PTPRM: variants seen among roughly 807,000 people sequenced by gnomAD.
The protein encoded by PTPRM is receptor-type tyrosine-protein phosphatase mu.
PTPRM carries 47 observed loss-of-function variants against 186.7 expected under a neutral mutation model. That is an observed-to-expected ratio of 0.25 (90% confidence interval 0.20 to 0.32). The LOEUF (loss-of-function observed/expected upper bound fraction) is 0.32, where lower values mean the gene tolerates loss of function less well. PTPRM is among the 10% of genes least tolerant of loss of function. The pLI is 1.00. For synonymous variants in PTPRM, 668 were observed against 674.9 expected (o/e 0.99, Z 0.16); for missense variants, 1,494 against 1,865.0 (o/e 0.80, Z 3.66).
intron 1 of PTPRM, among the ~76,000 whole-genome samples, chr18:7,636,044 C>A (rs191275426): frequency 6.6e-6 from 1 of 152,174 alleles, no homozygotes; most frequent in African/African-American, 2.4e-5. Flanking sequence ...GGCAGACAAA[C>A]GCTTCTGTTT....
intron 2 of PTPRM, among the ~76,000 whole-genome samples, chr18:7,798,419 C>T (rs1021960538): frequency 1.4e-4 from 21 of 151,882 alleles, no homozygotes; most frequent in Non-Finnish European, 5.9e-5. Flanking sequence ...ATTCCAGCTA[C>T]TCAGGAGGCT....
chr18:7,936,458 C>G (rs2051817102), intron 5 of PTPRM, among the ~76,000 whole-genome samples: 1 of 152,230 alleles, frequency 6.6e-6, no homozygotes, highest in Non-Finnish European at 1.5e-5. Flanking sequence ...GCAACCCAGC[C>G]AGGTGTGTGT....
chr18:7,725,540 C>A (rs538188997), intron 1 of PTPRM, among the ~76,000 whole-genome samples: 2 of 151,960 alleles, frequency 1.3e-5, no homozygotes, highest in South Asian at 4.2e-4. Context: ...CCACCCATGG[C>A]CCTGCCCCCA....
At chr18:7,624,596 C>T (rs574485625) in intron 1 of PTPRM, among the ~76,000 whole-genome samples, 2 of 152,110 alleles carry the variant, frequency 1.3e-5, no homozygotes, top group African/African-American at 4.8e-5. Context: ...AGTGATCCTT[C>T]TCCCAAGTAG....
chr18:7,808,684 C>A (rs1440747084), intron 2 of PTPRM, among the ~76,000 whole-genome samples: 1 of 152,110 alleles, frequency 6.6e-6, no homozygotes, highest in African/African-American at 2.4e-5. Flanking sequence ...GTTACATATG[C>A]AAAATCAAAA....
chr18:8,152,683 T>C (rs2093036016), intron 14 of PTPRM, among the ~76,000 whole-genome samples: 1 of 151,626 alleles, frequency 6.6e-6, no homozygotes, highest in South Asian at 2.1e-4. Flanking sequence ...TATTTCCTTT[T>C]TTCTTTCTCT....
rs1445731735 is a variant in PTPRM at position 8,244,098 on chromosome 18, C to G, written c.2341C>G (p.Arg781Gly). 3.7e-6 allele frequency: 6 copies of G among 1,609,286 alleles called. No homozygotes were observed. Among genetic ancestry groups the G allele is most frequent in the Non-Finnish European group, 5.1e-6 (6 of 1,178,462 alleles). The change falls in exon 15 of 33, where the codon CGA becomes GGA. Residue 781 changes from arginine to glycine, a missense_variant. Arg to Gly is a moderately radical substitution (Grantham distance 125). This residue lies in a region of PTPRM where 1,107 missense variants were observed against 1,350.2 expected (regional missense o/e 0.82). Transcript: ENST00000580170. ...KKRKETMSST[R>G]QEMTVMVNSM... is the part of the protein sequence containing the mutation. ...GCGGAAAGAGACCATGAGCAGCACCCGACAGGAGATGACTGTGATGGTGAA... is the reference window on the plus strand; with the variant it reads ...GCGGAAAGAGACCATGAGCAGCACCGGACAGGAGATGACTGTGATGGTGAA...
At chr18:8,050,388 C>T (rs939094097) in intron 7 of PTPRM, among the ~76,000 whole-genome samples, 21 of 151,980 alleles carry the variant, frequency 1.4e-4, no homozygotes, top group African/African-American at 4.8e-4. Context: ...GATAAGTTAG[C>T]GGGGAGTAAC....
intron 20 of PTPRM, among the ~76,000 whole-genome samples, chr18:8,297,115 G>T (rs2155756): frequency 0.084 from 12,809 of 152,106 alleles, 600 homozygotes; most frequent in Middle Eastern, 0.16. Context: ...CTTCTCCCAG[G>T]GCCCGCACTA....
At chr18:7,660,895 T>C (rs951662352) in intron 1 of PTPRM, among the ~76,000 whole-genome samples, 3 of 151,914 alleles carry the variant, frequency 2.0e-5, no homozygotes, top group Non-Finnish European at 4.4e-5. Flanking sequence ...CGCTTGAACC[T>C]GGGAGATGGA....
Position 7,926,598 on chromosome 18 carries a change from A to G in PTPRM, c.578A>G (p.Asn193Ser). 1 of 1,613,568 alleles carries G rather than the reference A, an allele frequency of 6.2e-7. No individual in the cohort carries two copies. The highest frequency in any genetic ancestry group is 8.5e-7 in the Non-Finnish European group (1 of 1,179,906). ...TRTPHFLRIQ[N>S]VEVNAGQFAT... ...ACTCCTCACTTCCTGCGGATTCAGA[A>G]TGTGGAAGTTAATGCTGGCCAGTTT... is the stretch of plus-strand genomic sequence containing the variant. The change falls in exon 5 of 33, where the codon AAT becomes AGT. Residue 193 changes from asparagine (N) to serine (S), a missense_variant. By Grantham distance (46) the Asn-to-Ser change is conservative (BLOSUM62 1). Transcript: ENST00000580170.
intron 7 of PTPRM, among the ~76,000 whole-genome samples, chr18:7,979,968 G>A (rs185455640): frequency 6.9e-4 from 105 of 152,210 alleles, no homozygotes; most frequent in African/African-American, 2.3e-3. Flanking sequence ...CCCAGCTCTC[G>A]CTCCTGCCTC....
At chr18:7,699,874 T>C (rs2039923873) in intron 1 of PTPRM, among the ~76,000 whole-genome samples, 2 of 152,208 alleles carry the variant, frequency 1.3e-5, no homozygotes, top group African/African-American at 4.8e-5. Context: ...CATCTGGAAT[T>C]GGTTTTTGTG....
intron 1 of PTPRM, among the ~76,000 whole-genome samples, chr18:7,760,156 C>A (rs901047749): frequency 6.6e-6 from 1 of 152,186 alleles, no homozygotes; most frequent in Non-Finnish European, 1.5e-5. Context: ...TAGCATTGAG[C>A]TTAGCCATCC....
intron 4 of PTPRM, among the ~76,000 whole-genome samples, chr18:7,923,976 G>A (rs1182614822): frequency 6.6e-6 from 1 of 152,202 alleles, no homozygotes; most frequent in Non-Finnish European, 1.5e-5. Flanking sequence ...AAATTGCAAG[G>A]TAAGAGATCT....
chr18:7,723,027 C>A (rs1264559672), intron 1 of PTPRM, among the ~76,000 whole-genome samples: 1 of 152,110 alleles, frequency 6.6e-6, no homozygotes. Context: ...GCCAGCAACT[C>A]CAGGAAGTCA....
intron 2 of PTPRM, among the ~76,000 whole-genome samples, chr18:7,863,887 C>T (rs890669781): frequency 1.3e-5 from 2 of 152,126 alleles, no homozygotes; most frequent in African/African-American, 4.8e-5. Context: ...TTAATGGTCA[C>T]CATTGTAACT....
At chr18:8,074,686 CTATT>C (rs1211643753) in intron 8 of PTPRM, among the ~76,000 whole-genome samples, 3 of 152,122 alleles carry the variant, frequency 2.0e-5, no homozygotes, top group Non-Finnish European at 4.4e-5. Flanking sequence ...TGCTTATTGA[CTATT>C]TGTTTGTCTT....
At chr18:8,271,263 T>G (rs2094768136) in intron 19 of PTPRM, among the ~76,000 whole-genome samples, 1 of 151,896 alleles carries the variant, frequency 6.6e-6, no homozygotes, top group Admixed American at 6.6e-5. Flanking sequence ...AAATAATTAT[T>G]TGATTTCTCT....
Sources: allele counts gnomAD v4.1 joint callset (sites outside exome capture counted in the v4.1 genomes callset), GRCh38; gene constraint gnomAD v4.1.1; regional missense constraint gnomAD v4.1.1; transcripts MANE v1.5; gene names NCBI Gene and HGNC (gene_info 2026-07-23, HGNC 2026-07-21).